The following S100Z variants were observed in gnomAD, a reference collection of about 807,000 sequenced individuals.
S100Z encodes protein S100-Z.
Under a neutral mutation model 8.5 loss-of-function variants are expected in S100Z, and 11 were observed. The ratio of observed to expected loss-of-function variants is 1.30; its 90% CI spans 0.82 to 2.15. S100Z has a LOEUF of 2.15. S100Z is among the 30% of genes most tolerant of loss of function. S100Z has a pLI of 0.00. For missense variants in S100Z, 126 were observed against 117.9 expected, an observed-to-expected ratio of 1.07 and a Z score of -0.32; for synonymous variants, 34 against 43.8, an observed-to-expected ratio of 0.78 and a Z score of 0.89.
chr5:76,922,814 T>C (rs1479246726), downstream of S100Z, among the ~76,000 whole-genome samples: 7 of 152,128 alleles, frequency 4.6e-5, no homozygotes, highest in Non-Finnish European at 7.4e-5. Context: ...TGAGCCACCA[T>C]GCCTAGCCAA....
intron 1 of S100Z, among the ~76,000 whole-genome samples, chr5:76,862,576 A>G (rs1018031868): frequency 1.9e-4 from 29 of 152,230 alleles, no homozygotes; most frequent in Middle Eastern, 6.8e-3. Context: ...AGGCAGGTGG[A>G]TAACCTGAGG....
At chr5:76,877,076 A>G (rs1368983243) in intron 3 of S100Z, among the ~76,000 whole-genome samples, 2 of 152,174 alleles carry the variant, frequency 1.3e-5, no homozygotes, top group African/African-American at 4.8e-5. Flanking sequence ...TGTGTCCTAT[A>G]CAATACTTGA....
intron 4 of S100Z, among the ~76,000 whole-genome samples, chr5:76,911,247 G>C (rs1261960685): frequency 6.6e-6 from 1 of 152,210 alleles, no homozygotes; most frequent in Non-Finnish European, 1.5e-5. Context: ...GTAAGGAAAT[G>C]CAACAGTCCC....
At chr5:76,925,299 G>A (rs1420862792), downstream of S100Z, among the ~76,000 whole-genome samples, 3 of 152,184 alleles carry the variant, frequency 2.0e-5, no homozygotes, top group Admixed American at 6.5e-5. Flanking sequence ...GAGTATGCGG[G>A]GGTGTGAACG....
intron 4 of S100Z, among the ~76,000 whole-genome samples, chr5:76,899,691 T>C (rs1744167524): frequency 6.6e-6 from 1 of 152,230 alleles, no homozygotes; most frequent in Non-Finnish European, 1.5e-5. Flanking sequence ...TTATATCTTA[T>C]TGTATTGACT....
At chr5:76,930,794 C>T in the S100Z span, among the ~76,000 whole-genome samples, 8 of 152,060 alleles carry the variant, frequency 5.3e-5, no homozygotes, top group African/African-American at 7.2e-5. Flanking sequence ...TAGGGTAAAG[C>T]GGGTATCCAA....
the S100Z span, among the ~76,000 whole-genome samples, chr5:76,942,594 T>C: frequency 1.4e-4 from 21 of 152,182 alleles, no homozygotes; most frequent in African/African-American, 5.1e-4. Flanking sequence ...CATACATAAT[T>C]CCAACACCAG....
chr5:76,850,716 C>A (rs1347599814), intron 1 of S100Z, among the ~76,000 whole-genome samples: 3 of 152,230 alleles, frequency 2.0e-5, no homozygotes, highest in African/African-American at 7.2e-5. Context: ...GGAATGGCTG[C>A]TCTCAGCCTA....
At chr5:76,895,166 G>A (rs1167445649) in intron 4 of S100Z, among the ~76,000 whole-genome samples, 11 of 152,174 alleles carry the variant, frequency 7.2e-5, no homozygotes, top group Admixed American at 3.9e-4. Flanking sequence ...GAAGTCAAGC[G>A]CATGTTTTCT....
At chr5:76,924,559 G>A (rs1745102182), downstream of S100Z, among the ~76,000 whole-genome samples, 1 of 152,152 alleles carries the variant, frequency 6.6e-6, no homozygotes, top group East Asian at 1.9e-4. Context: ...AAGGGCAGTA[G>A]TATTAGTTCC....
chr5:76,903,190 A>G (rs1374677862), intron 4 of S100Z, among the ~76,000 whole-genome samples: 1 of 152,160 alleles, frequency 6.6e-6, no homozygotes, highest in Non-Finnish European at 1.5e-5. Context: ...CATCTCAAAA[A>G]ATATATATAA....
chr5:76,917,123 C>CAAAAAA (rs35232494), intron 4 of S100Z, among the ~76,000 whole-genome samples: 2 of 81,300 alleles, frequency 2.5e-5, no homozygotes, highest in South Asian at 5.7e-4. Flanking sequence ...GAGACTGTCT[C>CAAAAAA]AAAAAAAAAA....
chr5:76,925,403 C>A (rs1745122757), downstream of S100Z, among the ~76,000 whole-genome samples: 3 of 152,300 alleles, frequency 2.0e-5, no homozygotes, highest in South Asian at 6.2e-4. Context: ...GGATGGGAAA[C>A]TTCCTCCTGG....
chr5:76,912,566 A>C (rs2150681590), intron 4 of S100Z, among the ~76,000 whole-genome samples: 1 of 152,378 alleles, frequency 6.6e-6, no homozygotes, highest in Non-Finnish European at 1.5e-5. Flanking sequence ...AAAGAGGAAA[A>C]AAAAATAAAT....
At chr5:76,948,748 T>C in the S100Z span, 1 of 152,228 alleles carries the variant, frequency 6.6e-6, no homozygotes, top group African/African-American at 2.4e-5. Context: ...ACAGCCATTA[T>C]GGAAAACACT....
At chr5:76,882,604 A>C (rs186615649) in intron 4 of S100Z, among the ~76,000 whole-genome samples, 1 of 152,332 alleles carries the variant, frequency 6.6e-6, no homozygotes, top group Admixed American at 6.5e-5. Flanking sequence ...GTTGTTTTGT[A>C]GAAGGCATTG....
At chr5:76,929,044 A>C in the S100Z span, among the ~76,000 whole-genome samples, 1 of 152,216 alleles carries the variant, frequency 6.6e-6, no homozygotes, top group African/African-American at 2.4e-5. Context: ...GTGCCTGGCT[A>C]TTTGGCTGTC....
At chr5:76,910,650 C>T (rs1303075111) in intron 4 of S100Z, among the ~76,000 whole-genome samples, 1 of 152,180 alleles carries the variant, frequency 6.6e-6, no homozygotes, top group Admixed American at 6.5e-5. Flanking sequence ...TTCTCTGGGT[C>T]AGAAGCTGCC....
the S100Z span, among the ~76,000 whole-genome samples, chr5:76,931,085 T>C: frequency 6.6e-6 from 1 of 151,862 alleles, no homozygotes; most frequent in Non-Finnish European, 1.5e-5. Flanking sequence ...CTAGTCTCTC[T>C]TTTTCCTTTT....
Sources: gnomAD v4.1 joint callset for allele counts (sites outside exome capture counted in the v4.1 genomes callset) on GRCh38, gnomAD v4.1.1 for gene constraint, MANE v1.5 for transcripts, NCBI Gene and HGNC (gene_info 2026-07-23, HGNC 2026-07-21) for gene names.